The following PCSK2 variants were observed in gnomAD, a reference collection of about 807,000 sequenced individuals.
The protein encoded by PCSK2 is neuroendocrine convertase 2.
In PCSK2, 14 loss-of-function variants were observed where a neutral mutation model predicts 69.7. The ratio of observed to expected loss-of-function variants is 0.20; its 90% CI spans 0.13 to 0.31. The LOEUF (loss-of-function observed/expected upper bound fraction) is 0.31. Among genes scored for constraint, PCSK2 ranks in the 10% least tolerant of loss-of-function variants. PCSK2 has a pLI of 1.00. For missense variants in PCSK2, 544 were observed against 842.5 expected (o/e 0.65, Z 4.39); for synonymous variants, 307 against 320.7 (o/e 0.96, Z 0.46).
intron 3 of PCSK2, 65 bp downstream of exon 3, chr20:17,358,505 T>C: frequency 1.1e-6 from 1 of 886,178 alleles, no homozygotes; most frequent in Non-Finnish European, 1.9e-6. Context: ...GATGAATTCC[T>C]GTATCCTCAT....
chr20:17,373,130 G>A (rs750539488), intron 5 of PCSK2, among the ~76,000 whole-genome samples: 1 of 152,142 alleles, frequency 6.6e-6, no homozygotes, highest in Non-Finnish European at 1.5e-5. Flanking sequence ...AGACTCTGAA[G>A]CAAGGGTTTG....
intron 11 of PCSK2, among the ~76,000 whole-genome samples, chr20:17,474,200 G>C (rs1600609041): frequency 6.6e-6 from 1 of 152,172 alleles, no homozygotes; most frequent in East Asian, 1.9e-4. Context: ...TCTTCTGCCT[G>C]TGTCTCTGAA....
intron 2 of PCSK2, among the ~76,000 whole-genome samples, chr20:17,307,554 A>G (rs1600475150): frequency 6.6e-6 from 1 of 152,214 alleles, no homozygotes; most frequent in Non-Finnish European, 1.5e-5. Flanking sequence ...GTGGGCTTCA[A>G]CTATCCGCGT....
chr20:17,470,532 C>G (rs2033181479), intron 11 of PCSK2, among the ~76,000 whole-genome samples: 3 of 152,160 alleles, frequency 2.0e-5, no homozygotes, highest in African/African-American at 7.2e-5. Flanking sequence ...CATGCCTTCC[C>G]CCAGCACGAC....
intron 8 of PCSK2, among the ~76,000 whole-genome samples, chr20:17,437,213 AC>A (rs1568649809): frequency 6.6e-6 from 1 of 152,130 alleles, no homozygotes; most frequent in Non-Finnish European, 1.5e-5. Context: ...CTGCACTGGC[AC>A]CCCCACCACC....
intron 2 of PCSK2, among the ~76,000 whole-genome samples, chr20:17,291,073 G>A (rs1988679348): frequency 6.6e-6 from 1 of 151,630 alleles, no homozygotes; most frequent in Admixed American, 6.6e-5. Context: ...AGTTTAGGAG[G>A]GGACACTCAA....
chr20:17,271,128 C>T (rs1455318472), intron 2 of PCSK2, among the ~76,000 whole-genome samples: 1 of 152,026 alleles, frequency 6.6e-6, no homozygotes, highest in African/African-American at 2.4e-5. Flanking sequence ...TTCTTTAAAC[C>T]AATGCTATAA....
At chr20:17,298,328 T>A (rs1338966246) in intron 2 of PCSK2, among the ~76,000 whole-genome samples, 1 of 152,202 alleles carries the variant, frequency 6.6e-6, no homozygotes, top group African/African-American at 2.4e-5. Context: ...AAGGAATGGT[T>A]CTCACCACAT....
chr20:17,265,600 C>T (rs770159961), intron 2 of PCSK2, among the ~76,000 whole-genome samples: 1 of 152,124 alleles, frequency 6.6e-6, no homozygotes, highest in Non-Finnish European at 1.5e-5. Context: ...TTTTATTCTA[C>T]AGGGCATTTG....
At chr20:17,345,835 G>A (rs990768657) in intron 2 of PCSK2, among the ~76,000 whole-genome samples, 2 of 152,016 alleles carry the variant, frequency 1.3e-5, no homozygotes. Context: ...CATCTCCCCC[G>A]TTTTCATCAC....
chr20:17,338,275 C>A (rs968961613), intron 2 of PCSK2, among the ~76,000 whole-genome samples: 4 of 151,886 alleles, frequency 2.6e-5, no homozygotes, highest in Non-Finnish European at 5.9e-5. Flanking sequence ...CAGATCACTG[C>A]AACCTCCGCC....
intron 2 of PCSK2, among the ~76,000 whole-genome samples, chr20:17,325,682 G>A (rs1990024723): frequency 6.6e-6 from 1 of 152,232 alleles, no homozygotes; most frequent in African/African-American, 2.4e-5. Context: ...TTCTAGATGA[G>A]GCTCAGCAGA....
chr20:17,361,707 G>A (rs1394640949), intron 4 of PCSK2, among the ~76,000 whole-genome samples: 1 of 152,130 alleles, frequency 6.6e-6, no homozygotes, highest in Non-Finnish European at 1.5e-5. Flanking sequence ...TCTTGTGTGG[G>A]CTCATTAAAT....
intron 7 of PCSK2, among the ~76,000 whole-genome samples, chr20:17,433,814 C>CTCTCTCTCTCTCTCTCTCTCTCTCT (rs1555795288): frequency 2.8e-5 from 2 of 70,840 alleles, no homozygotes; most frequent in African/African-American, 1.4e-4. Flanking sequence ...TCTCTCTCTC[C>CTCTCTCTCTCTCTCTCTCTCTCTCT]CCCCACTTCC....
intron 11 of PCSK2, chr20:17,479,373 T>C (rs1187274998): frequency 1.4e-6 from 1 of 694,386 alleles, no homozygotes; most frequent in South Asian, 1.5e-5. Flanking sequence ...TTTGACAATA[T>C]TGTGGGCTTC....
chr20:17,418,003 C>G (rs1448843042), intron 6 of PCSK2, among the ~76,000 whole-genome samples: 1 of 152,086 alleles, frequency 6.6e-6, no homozygotes, highest in African/African-American at 2.4e-5. Flanking sequence ...TATCATGAAA[C>G]TGTTTTGGTG....
chr20:17,452,913 G>A (rs1216200092), intron 8 of PCSK2, among the ~76,000 whole-genome samples: 1 of 152,238 alleles, frequency 6.6e-6, no homozygotes, highest in Non-Finnish European at 1.5e-5. Context: ...GCTAACTGTA[G>A]GGACTTATGC....
At chr20:17,258,468 A>G (rs538528733) in intron 1 of PCSK2, among the ~76,000 whole-genome samples, 2 of 152,276 alleles carry the variant, frequency 1.3e-5, no homozygotes, top group South Asian at 4.2e-4. Context: ...ACACAGCATT[A>G]TCTTTGAATG....
rs1171411959 is a variant in PCSK2, at chr20:17,303,567, A to G, written c.282+43223A>G. 2.6e-4 allele frequency among the ~76,000 whole-genome samples: 29 copies of G among 109,964 alleles called. 1 individual carries two copies. In the Admixed American group the frequency reaches 3.6e-3, roughly 14 times the overall value. The allele number at this position is 109,964 out of a possible 152,430, so 72.1% of individuals were successfully genotyped here. A position where few individuals can be genotyped will look rare whatever the true frequency, so the allele number is the denominator to read the frequency against. On this transcript the variant is annotated intron_variant, in intron 2 of 11. Coordinates refer to ENST00000262545, the MANE Select transcript of PCSK2 (RefSeq NM_002594.5). ...AATATGATATAATATATATTATATA[A>G]TATATTAAAAATATATACTTTTTTT...
Sources: allele counts gnomAD v4.1 joint callset (sites outside exome capture counted in the v4.1 genomes callset), GRCh38; gene constraint gnomAD v4.1.1; transcripts MANE v1.5; gene names NCBI Gene and HGNC (gene_info 2026-07-23, HGNC 2026-07-21).